The following OSBP2 variants were observed in gnomAD, a reference collection of about 807,000 sequenced individuals.
OSBP2 encodes oxysterol binding protein 2, also known as oxysterol-binding protein 2.
In OSBP2, 66 loss-of-function variants were observed where a neutral mutation model predicts 96.0. The ratio of observed to expected loss-of-function variants is 0.69; its 90% CI spans 0.56 to 0.84. The LOEUF is 0.84. OSBP2 is among the 40% of genes least tolerant of loss of function. OSBP2 has a pLI of 0.00. For missense variants in OSBP2, 1,038 were observed against 1,222.7 expected, an observed-to-expected ratio of 0.85 and a Z score of 2.25; for synonymous variants, 525 against 520.9, an observed-to-expected ratio of 1.01 and a Z score of -0.11.
intron 3 of OSBP2, among the ~76,000 whole-genome samples, chr22:30,872,832 G>C (rs1210565111): frequency 6.6e-6 from 1 of 152,212 alleles, no homozygotes; most frequent in Non-Finnish European, 1.5e-5. Flanking sequence ...GGTAGTTCTG[G>C]AAAGGCTGTT....
chr22:30,768,442 C>T (rs1443431840), intron 2 of OSBP2, among the ~76,000 whole-genome samples: 2 of 152,000 alleles, frequency 1.3e-5, no homozygotes, highest in Non-Finnish European at 2.9e-5. Context: ...TTTGGGAGGC[C>T]GAGGCGGGCA....
chr22:30,731,885 C>G (rs1569101355), intron 1 of OSBP2, among the ~76,000 whole-genome samples: 1 of 152,210 alleles, frequency 6.6e-6, no homozygotes, highest in Non-Finnish European at 1.5e-5. Flanking sequence ...CCCTCCTGCA[C>G]TACCCACCCT....
At chr22:30,891,815 G>C (rs962847711) in intron 8 of OSBP2, among the ~76,000 whole-genome samples, 5 of 152,166 alleles carry the variant, frequency 3.3e-5, no homozygotes, top group African/African-American at 1.2e-4. Context: ...AGGTGCCCTC[G>C]ACATGCCAGG....
intron 2 of OSBP2, among the ~76,000 whole-genome samples, chr22:30,775,448 A>T (rs1229956236): frequency 2.0e-5 from 3 of 150,640 alleles, no homozygotes; most frequent in Non-Finnish European, 4.5e-5. Context: ...TCTCTACTAA[A>T]AATACAAAAA....
At chr22:30,697,950 G>A (rs908347626) in intron 1 of OSBP2, among the ~76,000 whole-genome samples, 1 of 152,218 alleles carries the variant, frequency 6.6e-6, no homozygotes, top group African/African-American at 2.4e-5. Flanking sequence ...TGCCACCAGA[G>A]ATGAGTATAT....
chr22:30,756,259 C>T (rs1289527188), intron 2 of OSBP2, among the ~76,000 whole-genome samples: 1 of 152,222 alleles, frequency 6.6e-6, no homozygotes, highest in Non-Finnish European at 1.5e-5. Context: ...TGGCTTCCTT[C>T]ACACCTGTTT....
At chr22:30,709,119 AT>A (rs1205242779) in intron 1 of OSBP2, among the ~76,000 whole-genome samples, 2 of 152,084 alleles carry the variant, frequency 1.3e-5, no homozygotes, top group Non-Finnish European at 2.9e-5. Flanking sequence ...TAATAATAAA[AT>A]AAATAAATAA....
chr22:30,783,904 G>A (rs971835657), intron 2 of OSBP2, among the ~76,000 whole-genome samples: 1 of 152,156 alleles, frequency 6.6e-6, no homozygotes, highest in Non-Finnish European at 1.5e-5. Flanking sequence ...GGAGAGCTTG[G>A]GTCTGGGAAA....
intron 2 of OSBP2, among the ~76,000 whole-genome samples, chr22:30,843,922 G>A (rs187482412): frequency 4.8e-4 from 73 of 150,896 alleles, no homozygotes; most frequent in Admixed American, 1.8e-3. Flanking sequence ...CACCCAGGCC[G>A]GAGTGCAGTG....
intron 2 of OSBP2, among the ~76,000 whole-genome samples, chr22:30,830,970 AG>A (rs2038510266): frequency 6.6e-6 from 1 of 152,144 alleles, no homozygotes; most frequent in African/African-American, 2.4e-5. Flanking sequence ...ATTCGTTGGA[AG>A]GCTGTGGAAT....
At chr22:30,807,990 G>C (rs972566373) in intron 2 of OSBP2, among the ~76,000 whole-genome samples, 2 of 151,970 alleles carry the variant, frequency 1.3e-5, no homozygotes, top group Non-Finnish European at 2.9e-5. Context: ...AGGTCTTGCT[G>C]TGTTGCCTAG....
chr22:30,842,195 G>A (rs933330540), intron 2 of OSBP2, among the ~76,000 whole-genome samples: 3 of 152,168 alleles, frequency 2.0e-5, no homozygotes, highest in Admixed American at 1.3e-4. Flanking sequence ...TATCCCTTGA[G>A]CTCAGGAGTT....
chr22:30,731,702 A>G (rs2145724648), intron 1 of OSBP2: 1 of 154,758 alleles, frequency 6.5e-6, no homozygotes, highest in South Asian at 2.0e-4. Context: ...GAGAACAAAA[A>G]CATCCTCATT....
intron 1 of OSBP2, among the ~76,000 whole-genome samples, chr22:30,701,853 C>T (rs139033018): frequency 2.6e-3 from 401 of 152,062 alleles, no homozygotes; most frequent in Non-Finnish European, 3.4e-3. Context: ...GTTAGGAGGC[C>T]GAAAAGGAAT....
chr22:30,822,460 T>C (rs1281694437), intron 2 of OSBP2: 5 of 1,247,858 alleles, frequency 4.0e-6, no homozygotes, highest in African/African-American at 3.2e-5. Flanking sequence ...AACGCGCTCA[T>C]GTACCGGGTG....
intron 2 of OSBP2, among the ~76,000 whole-genome samples, chr22:30,855,474 G>T (rs1389193543): frequency 6.6e-6 from 1 of 152,204 alleles, no homozygotes; most frequent in African/African-American, 2.4e-5. Context: ...CTTGCCAAAT[G>T]CTTAATGAAC....
At chr22:30,876,559 C>A (rs1225171504) in intron 3 of OSBP2, among the ~76,000 whole-genome samples, 1 of 152,230 alleles carries the variant, frequency 6.6e-6, no homozygotes, top group Non-Finnish European at 1.5e-5. Context: ...GCCCAGCAGC[C>A]TCTCCCGACC....
At chr22:30,722,580 A>C (rs1440152210) in intron 1 of OSBP2, among the ~76,000 whole-genome samples, 1 of 152,028 alleles carries the variant, frequency 6.6e-6, no homozygotes, top group African/African-American at 2.4e-5. Flanking sequence ...TTTTGTTTAT[A>C]GTTTCTGGAA....
At chr22:30,865,277 A>G (rs2039310993) in intron 2 of OSBP2, among the ~76,000 whole-genome samples, 1 of 152,188 alleles carries the variant, frequency 6.6e-6, no homozygotes, top group Non-Finnish European at 1.5e-5. Context: ...GTGGGGGCAC[A>G]GTAAACAAAC....
Sources: allele counts gnomAD v4.1 joint callset (sites outside exome capture counted in the v4.1 genomes callset), GRCh38; gene constraint gnomAD v4.1.1; transcripts MANE v1.5; gene names NCBI Gene and HGNC (gene_info 2026-07-23, HGNC 2026-07-21).